The following DLGAP1 variants were observed in gnomAD, a reference collection of about 807,000 sequenced individuals.
DLGAP1 encodes DLG associated protein 1, also known as disks large-associated protein 1.
In DLGAP1, 11 loss-of-function variants were observed where a neutral mutation model predicts 90.8. The ratio of observed to expected loss-of-function variants is 0.12; its 90% CI spans 0.08 to 0.20. The LOEUF is 0.20. Among genes scored for constraint, DLGAP1 ranks in the 10% least tolerant of loss-of-function variants. DLGAP1 has a pLI of 1.00. For missense variants in DLGAP1, 1,050 were observed against 1,333.8 expected (o/e 0.79, Z 3.31); for synonymous variants, 558 against 540.7 (o/e 1.03, Z -0.44).
chr18:3,656,293 T>C, intron 7 of DLGAP1: 2 of 514,160 alleles, frequency 3.9e-6, no homozygotes. Flanking sequence ...CTAGGTCTCA[T>C]GGATGTCTTC....
intron 1 of DLGAP1, among the ~76,000 whole-genome samples, chr18:4,240,939 G>A (rs2078521321): frequency 6.6e-6 from 1 of 152,158 alleles, no homozygotes; most frequent in African/African-American, 2.4e-5. Flanking sequence ...AGATGTGCCC[G>A]CTCTTTCATG....
intron 9 of DLGAP1, among the ~76,000 whole-genome samples, chr18:3,562,137 G>T (rs1267501711): frequency 6.6e-6 from 1 of 152,092 alleles, no homozygotes; most frequent in African/African-American, 2.4e-5. Context: ...TGAGGCAGGA[G>T]AATTGCTTGA....
At chr18:4,004,507 T>G (rs578142973) in intron 3 of DLGAP1, among the ~76,000 whole-genome samples, 1 of 152,156 alleles carries the variant, frequency 6.6e-6, no homozygotes, top group South Asian at 2.1e-4. Context: ...TTTTTAGCCC[T>G]GAAATACACA....
chr18:4,249,227 C>T (rs1487166865), intron 1 of DLGAP1, among the ~76,000 whole-genome samples: 1 of 152,172 alleles, frequency 6.6e-6, no homozygotes, highest in Admixed American at 6.5e-5. Flanking sequence ...ATTTCAGCCT[C>T]TTTTGCTCAT....
At chr18:4,254,789 A>G (rs1477940405) in intron 1 of DLGAP1, among the ~76,000 whole-genome samples, 1 of 152,206 alleles carries the variant, frequency 6.6e-6, no homozygotes, top group Non-Finnish European at 1.5e-5. Context: ...AAAGCTTTGG[A>G]GTTCCCTTTG....
chr18:3,925,291 T>C (rs1485510370), intron 3 of DLGAP1, among the ~76,000 whole-genome samples: 5 of 151,428 alleles, frequency 3.3e-5, no homozygotes, highest in Non-Finnish European at 7.4e-5. Flanking sequence ...TGGGATTTTT[T>C]TTTTTTTTTA....
intron 1 of DLGAP1, among the ~76,000 whole-genome samples, chr18:4,413,224 C>G (rs2082820100): frequency 6.6e-6 from 1 of 152,082 alleles, no homozygotes; most frequent in South Asian, 2.1e-4. Flanking sequence ...TGAGGAGGAG[C>G]AGTGCAGCCC....
At chr18:3,881,658 A>G (rs1228583227) in intron 3 of DLGAP1, among the ~76,000 whole-genome samples, 4 of 152,240 alleles carry the variant, frequency 2.6e-5, no homozygotes, top group Admixed American at 1.3e-4. Flanking sequence ...TCACTCCTGT[A>G]ATCCCAGCAC....
chr18:4,100,113 A>T (rs962822061), intron 2 of DLGAP1, among the ~76,000 whole-genome samples: 3 of 152,210 alleles, frequency 2.0e-5, no homozygotes, highest in African/African-American at 7.2e-5. Context: ...TATTTCCAGA[A>T]GGTTTCTTAA....
intron 1 of DLGAP1, among the ~76,000 whole-genome samples, chr18:4,239,683 G>GA (rs1348389364): frequency 6.6e-6 from 1 of 152,160 alleles, no homozygotes; most frequent in Non-Finnish European, 1.5e-5. Context: ...TTCCTCAAAT[G>GA]AGATGCTAAA....
intron 2 of DLGAP1, among the ~76,000 whole-genome samples, chr18:4,023,856 T>C (rs932512755): frequency 2.2e-4 from 32 of 146,052 alleles, no homozygotes; most frequent in Admixed American, 1.7e-3. Context: ...TCTTTTTATT[T>C]ATTAATGTAA....
chr18:3,885,593 C>G (rs1224054992), intron 3 of DLGAP1, among the ~76,000 whole-genome samples: 1 of 152,208 alleles, frequency 6.6e-6, no homozygotes, highest in Non-Finnish European at 1.5e-5. Context: ...GCCTTTCAGG[C>G]CTTGTTCTTT....
At chr18:3,584,355 T>G (rs2055750843) in intron 7 of DLGAP1, among the ~76,000 whole-genome samples, 1 of 146,974 alleles carries the variant, frequency 6.8e-6, no homozygotes, top group African/African-American at 2.5e-5. Flanking sequence ...TTACCTACAG[T>G]TCCAGCTGCC....
intron 1 of DLGAP1, among the ~76,000 whole-genome samples, chr18:4,181,591 A>G (rs1171985959): frequency 6.6e-6 from 1 of 152,172 alleles, no homozygotes; most frequent in Non-Finnish European, 1.5e-5. Context: ...TGATCTTTTA[A>G]TAGACTTTCA....
chr18:3,621,790 G>A (rs879841416), intron 7 of DLGAP1, among the ~76,000 whole-genome samples: 2 of 152,042 alleles, frequency 1.3e-5, no homozygotes, highest in Non-Finnish European at 2.9e-5. Flanking sequence ...CTTTCAACAC[G>A]TCCCTGCAAA....
At chr18:3,508,136 G>A (rs778048646) in intron 11 of DLGAP1, among the ~76,000 whole-genome samples, 20 of 152,148 alleles carry the variant, frequency 1.3e-4, no homozygotes, top group Non-Finnish European at 2.8e-4. Context: ...TCTAGCTCTT[G>A]AATTAAAACA....
chr18:3,742,733 T>G (rs2063108995), intron 5 of DLGAP1, among the ~76,000 whole-genome samples: 1 of 152,214 alleles, frequency 6.6e-6, no homozygotes, highest in African/African-American at 2.4e-5. Context: ...TAACATTCTC[T>G]TCAACCATGA....
intron 1 of DLGAP1, among the ~76,000 whole-genome samples, chr18:4,394,556 C>T (rs948970727): frequency 1.3e-5 from 2 of 152,106 alleles, no homozygotes; most frequent in Non-Finnish European, 1.5e-5. Context: ...AATAGAATGC[C>T]TCTAATCACT....
At chr18:3,549,533 G>A (rs532800695) in intron 9 of DLGAP1, among the ~76,000 whole-genome samples, 4 of 151,988 alleles carry the variant, frequency 2.6e-5, no homozygotes, top group East Asian at 3.9e-4. Context: ...GGGTTTCAGC[G>A]TGTTGGTCAG....
Sources: gnomAD v4.1 joint callset for allele counts (sites outside exome capture counted in the v4.1 genomes callset) on GRCh38, gnomAD v4.1.1 for gene constraint, MANE v1.5 for transcripts, NCBI Gene and HGNC (gene_info 2026-07-23, HGNC 2026-07-21) for gene names.